Variants in KAT7 observed in about 807,000 individuals in gnomAD.
The protein encoded by KAT7 is lysine acetyltransferase 7, also known as histone acetyltransferase KAT7.
Under a neutral mutation model 82.1 loss-of-function variants are expected in KAT7, and 10 were observed. The ratio of observed to expected loss-of-function variants is 0.12; its 90% CI spans 0.08 to 0.21. The LOEUF (loss-of-function observed/expected upper bound fraction) is 0.21, where lower values mean the gene tolerates loss of function less well. Ranked by LOEUF, KAT7 falls within the 10% of genes least tolerant of loss-of-function variation. KAT7 has a pLI of 1.00. For synonymous variants in KAT7, 250 were observed against 262.5 expected (o/e 0.95, Z 0.46); for missense variants, 378 against 760.9 (o/e 0.50, Z 5.92).
At chr17:49,827,282 T>C (rs1285835254) in intron 14 of KAT7, 119 bp from the exon 15 acceptor site, 2 of 638,420 alleles carry the variant, frequency 3.1e-6, no homozygotes, top group African/African-American at 3.7e-5. Context: ...TTTTTTTTGA[T>C]ACCCTAATAT....
chr17:49,799,208 G>A (rs896179960), intron 4 of KAT7, among the ~76,000 whole-genome samples: 1 of 152,136 alleles, frequency 6.6e-6, no homozygotes, highest in African/African-American at 2.4e-5. Flanking sequence ...CAAATATTGG[G>A]CTTAAGGTTT....
At chr17:49,816,620 G>T (rs188679830) in intron 8 of KAT7, among the ~76,000 whole-genome samples, 107 of 152,166 alleles carry the variant, frequency 7.0e-4, no homozygotes, top group African/African-American at 2.5e-3. Context: ...TACTAGACTT[G>T]TTGAAAACTT....
At chr17:49,816,135 C>T (rs569597112) in intron 8 of KAT7, among the ~76,000 whole-genome samples, 4 of 152,216 alleles carry the variant, frequency 2.6e-5, no homozygotes, top group South Asian at 4.1e-4. Flanking sequence ...CTTTCCACCT[C>T]GGCTCCCGGA....
At chr17:49,818,842 G>A (rs374531258) in intron 9 of KAT7, among the ~76,000 whole-genome samples, 77 of 151,048 alleles carry the variant, frequency 5.1e-4, no homozygotes, top group African/African-American at 1.7e-3. Context: ...AGATTCAAAC[G>A]ATTCTCCTGC....
intron 4 of KAT7, among the ~76,000 whole-genome samples, chr17:49,802,669 C>CAA (rs753218485): frequency 6.8e-4 from 79 of 116,434 alleles, no homozygotes; most frequent in African/African-American, 2.3e-3. Context: ...AACTCCATCT[C>CAA]AAAAAAAAAA....
chr17:49,828,093 T>G lies in KAT7; in HGVS notation c.*591T>G, dbSNP rs1340278974. ...TTGGGCTAACCAGAGCCAAATACTT[T>G]TGAAGAGTTTCCCAGGGACTAGTCA... is the stretch of plus-strand genomic sequence containing the variant. On this transcript the variant is annotated 3_prime_UTR_variant, in exon 15 of 15. Transcript: ENST00000259021. 6.6e-6 allele frequency: 1 copy of G among 152,232 alleles called. No homozygotes were observed. Among genetic ancestry groups the G allele is most frequent in the African/African-American group, 2.4e-5 (1 of 41,436 alleles). The allele number at this position is 152,232 out of a possible 1,614,324, so 9.4% of individuals were successfully genotyped here.
rs2074443987 is a variant in KAT7 at position 49,834,021 on chromosome 17, A to G, written c.*6519A>G. 6.6e-6 allele frequency: 1 copy of G among 152,160 alleles called. No homozygotes were observed. The highest frequency in any genetic ancestry group is 1.5e-5 in the Non-Finnish European group (1 of 68,026). The allele number at this position is 152,160 out of a possible 1,614,324, so 9.4% of individuals were successfully genotyped here. On this transcript the variant is annotated 3_prime_UTR_variant, in exon 15 of 15. Transcript: ENST00000259021. ...CAGCCTCAGTTCACCTCATTTGGTT[A>G]TTTATCGTGTCTTCGCTGTCAGTCA...
intron 13 of KAT7, 126 bp downstream of exon 13, chr17:49,826,272 T>G (rs2074367865): frequency 7.8e-6 from 7 of 892,296 alleles, no homozygotes; most frequent in Middle Eastern, 2.4e-4. Context: ...AGACCCTCAC[T>G]AAAGCTGCCT....
At position 49,798,317 on chromosome 17, in the gene KAT7, A is replaced by G. The variant is rs1302969741; in HGVS notation, c.341-2A>G. On this transcript the variant is annotated splice_acceptor_variant, in intron 3 of 14. Transcript: ENST00000259021. LOFTEE classifies it high-confidence loss of function. ...AACTTCTACCAATTGCTTTTGCTTT[A>G]GAAACTAAAAATACAGCTGATCATG... 6.2e-7 allele frequency: 1 copy of G among 1,612,832 alleles called. No individual in the cohort carries two copies. Among genetic ancestry groups the G allele is most frequent in the East Asian group, 2.2e-5 (1 of 44,826 alleles).
intron 4 of KAT7, among the ~76,000 whole-genome samples, chr17:49,802,219 G>A (rs79510519): frequency 0.013 from 1,934 of 152,200 alleles, 26 homozygotes; most frequent in Non-Finnish European, 0.018. Flanking sequence ...AGCCTTGTAT[G>A]TACATATTTT....
At chr17:49,799,980 G>C (rs2074002521) in intron 4 of KAT7, among the ~76,000 whole-genome samples, 1 of 146,412 alleles carries the variant, frequency 6.8e-6, no homozygotes. Flanking sequence ...GTTTTCTGTA[G>C]TGTTTAATTA....
In KAT7 at chr17:49,832,167, G is replaced by A. The variant is rs987275349; in HGVS notation, c.*4665G>A. 1 of 151,044 alleles carries A rather than the reference G, an allele frequency of 6.6e-6. No homozygotes were observed. 9.4% of individuals were successfully genotyped at this position (151,044 alleles called of 1,614,324 possible). On this transcript the variant is annotated 3_prime_UTR_variant, in exon 15 of 15. Coordinates refer to ENST00000259021, the MANE Select transcript of KAT7 (RefSeq NM_007067.5). ...GATGAGGTTTTGCCCTGTTGGCTAG[G>A]TTGGTCTTGAACTCCTGACCTCAGG...
At chr17:49,816,082 T>A (rs1178618231) in intron 8 of KAT7, among the ~76,000 whole-genome samples, 169 bp downstream of exon 8, 2 of 152,182 alleles carry the variant, frequency 1.3e-5, no homozygotes, top group African/African-American at 4.8e-5. Context: ...CCTTTCAGAT[T>A]TAAAATGAAT....
chr17:49,795,022 T>A (rs1014714789), intron 2 of KAT7, among the ~76,000 whole-genome samples: 10 of 151,872 alleles, frequency 6.6e-5, no homozygotes, highest in South Asian at 4.2e-4. Flanking sequence ...TTTTTTTTTT[T>A]AAATATACGT....
intron 8 of KAT7, among the ~76,000 whole-genome samples, chr17:49,816,536 C>T (rs1039865247): frequency 1.3e-5 from 2 of 152,204 alleles, no homozygotes; most frequent in Non-Finnish European, 1.5e-5. Context: ...TAAATGTGTT[C>T]AGGGAAGCTC....
At chr17:49,820,057 C>T (rs572844141) in intron 9 of KAT7, among the ~76,000 whole-genome samples, 2 of 152,256 alleles carry the variant, frequency 1.3e-5, no homozygotes, top group South Asian at 4.1e-4. Context: ...GAATTTGAGA[C>T]CAGCCTGGGC....
intron 4 of KAT7, among the ~76,000 whole-genome samples, chr17:49,803,111 C>CT (rs2074045428): frequency 6.6e-6 from 1 of 150,818 alleles, no homozygotes; most frequent in African/African-American, 2.4e-5. Flanking sequence ...TCTAAAATTG[C>CT]ATTTTTTTTT....
At position 49,831,861 on chromosome 17, in the gene KAT7, G is replaced by T. The variant is rs966433610; in HGVS notation, c.*4359G>T. ...ATTTTTAGTAGAATGAGGTTTCACCGTGTTAGCCAGGATGATCTCGATCTC... is the reference window on the plus strand; with the variant it reads ...ATTTTTAGTAGAATGAGGTTTCACCTTGTTAGCCAGGATGATCTCGATCTC... On this transcript the variant is annotated 3_prime_UTR_variant, in exon 15 of 15. Coordinates refer to ENST00000259021, the MANE Select transcript of KAT7 (RefSeq NM_007067.5). 1 of 150,834 alleles carries T rather than the reference G, an allele frequency of 6.6e-6. No individual in the cohort carries two copies. The highest frequency in any genetic ancestry group is 2.4e-5 in the African/African-American group (1 of 40,936). The allele number at this position is 150,834 out of a possible 1,614,324, so 9.3% of individuals were successfully genotyped here. A position where few individuals can be genotyped will look rare whatever the true frequency, so the allele number is the denominator to read the frequency against.
chr17:49,804,373 C>A (rs1385458696), intron 4 of KAT7, among the ~76,000 whole-genome samples: 12 of 148,478 alleles, frequency 8.1e-5, no homozygotes, highest in Non-Finnish European at 1.8e-4. Flanking sequence ...AGCGAGACTC[C>A]GTCTCAAAAA....
Sources: gnomAD v4.1 joint callset for allele counts (sites outside exome capture counted in the v4.1 genomes callset) on GRCh38, gnomAD v4.1.1 for gene constraint, MANE v1.5 for transcripts, NCBI Gene and HGNC (gene_info 2026-07-23, HGNC 2026-07-21) for gene names.